RAD51C: variants seen among roughly 807,000 people sequenced by gnomAD.
The protein encoded by RAD51C is DNA repair protein RAD51 homolog 3.
A neutral mutation model predicts 45.0 loss-of-function variants in RAD51C; 42 were observed. The observed-to-expected ratio is 0.93, with a 90% CI of 0.73 to 1.21. RAD51C has a LOEUF of 1.21. Ranked by LOEUF, RAD51C falls within the 50% of genes most tolerant of loss-of-function variation. The pLI, the probability that RAD51C is intolerant of heterozygous loss-of-function variation, is 0.00. For missense variants in RAD51C, 474 were observed against 452.2 expected, an observed-to-expected ratio of 1.05 and a Z score of -0.44; for synonymous variants, 172 against 159.8, an observed-to-expected ratio of 1.08 and a Z score of -0.58.
chr17:58,705,630 C>A (rs1488669156), intron 4 of RAD51C, among the ~76,000 whole-genome samples: 1 of 152,100 alleles, frequency 6.6e-6, no homozygotes, highest in East Asian at 1.9e-4. Flanking sequence ...CCGTGCCTGA[C>A]CCCTAATATT....
chr17:58,723,516 A>G (rs527770951), intron 6 of RAD51C, among the ~76,000 whole-genome samples: 1 of 152,118 alleles, frequency 6.6e-6, no homozygotes, highest in Admixed American at 6.6e-5. Flanking sequence ...TAGCTTTTAT[A>G]GATTTTACTG....
At chr17:58,692,927 G>T in intron 1 of RAD51C, 139 bp downstream of exon 1, 1 of 1,252,188 alleles carries the variant, frequency 8.0e-7, no homozygotes, top group Non-Finnish European at 1.1e-6. Flanking sequence ...GCGTGAAAGA[G>T]CTCCTCGACT....
intron 4 of RAD51C, chr17:58,709,519 T>C (rs1380717820): frequency 5.2e-6 from 1 of 192,830 alleles, no homozygotes; most frequent in Non-Finnish European, 1.1e-5. Flanking sequence ...AATAAAGCCC[T>C]GGGTTTTAAG....
intron 5 of RAD51C, among the ~76,000 whole-genome samples, chr17:58,714,704 G>A (rs968274539): frequency 2.6e-5 from 4 of 151,876 alleles, no homozygotes; most frequent in African/African-American, 7.2e-5. Flanking sequence ...TGATCCACCC[G>A]CCTCAGCCTC....
At chr17:58,709,796 G>A (rs2048490401) in intron 4 of RAD51C, 63 bp from the exon 5 acceptor site, 1 of 1,472,640 alleles carries the variant, frequency 6.8e-7, no homozygotes, top group Non-Finnish European at 9.4e-7. Context: ...GAGAGAGAGA[G>A]CATTTTTATT....
At chr17:58,699,430 G>A (rs1020376836) in intron 3 of RAD51C, among the ~76,000 whole-genome samples, 23 of 151,938 alleles carry the variant, frequency 1.5e-4, no homozygotes, top group African/African-American at 5.6e-4. Context: ...TCCTTTAAAT[G>A]AGTGTAGTCA....
rs986045456 is a variant in RAD51C, at chr17:58,717,807, G to A, written c.838-2939G>A. On this transcript the variant is annotated intron_variant, in intron 5 of 8. Transcript: ENST00000337432. ...CTTAGCTTTTTCTAAGGTGCCCGAT[G>A]AGAGGTAACAAATGGAGAATGCCCT... is the stretch of plus-strand genomic sequence containing the variant. 4.6e-5 allele frequency among the ~76,000 whole-genome samples: 7 copies of A among 152,282 alleles called. No homozygotes were observed. The East Asian group carries it at 1.2e-3, about 25-fold the overall frequency.
In RAD51C at chr17:58,726,860, G is replaced by A. The variant is rs539611655; in HGVS notation, c.965+2760G>A. On this transcript the variant is annotated intron_variant, in intron 7 of 8. Transcript: ENST00000337432. Reference sequence around the variant, plus strand: ...TTTTGAGACGGAGTCTCGCTCTGTCGCCCAGGCTGGAGTGCAGTGGCGCGA... The same window carrying A: ...TTTTGAGACGGAGTCTCGCTCTGTCACCCAGGCTGGAGTGCAGTGGCGCGA... 9.9e-5 allele frequency among the ~76,000 whole-genome samples: 15 copies of A among 151,762 alleles called. No homozygotes were observed. In the East Asian group the frequency reaches 1.4e-3, roughly 14 times the overall value.
intron 6 of RAD51C, among the ~76,000 whole-genome samples, chr17:58,723,769 G>T (rs1279226808): frequency 6.6e-6 from 1 of 151,608 alleles, no homozygotes; most frequent in African/African-American, 2.4e-5. Context: ...AAATACGTTA[G>T]GCTTGATGAT....
chr17:58,717,993 G>A (rs527934358), intron 5 of RAD51C, among the ~76,000 whole-genome samples: 5 of 152,040 alleles, frequency 3.3e-5, no homozygotes, highest in African/African-American at 9.6e-5. Flanking sequence ...TTCTTTCGCA[G>A]TTTTCTTTTT....
Position 58,734,527 on chromosome 17 carries a change from AC to A in RAD51C, c.*309del. ...TGAATTTACCATTCATACTGTTTTC[AC>A]CCCTTTCTTTCCCAGTTGCCTATAA... On this transcript the variant is annotated 3_prime_UTR_variant, in exon 9 of 9. Transcript: ENST00000337432. The A allele has an allele frequency of 5.7e-6, 2 of 351,722 alleles. No homozygotes were observed. The highest frequency in any genetic ancestry group is 4.1e-5 in the South Asian group (1 of 24,310). 21.8% of individuals were successfully genotyped at this position (351,722 alleles called of 1,614,324 possible). A position where few individuals can be genotyped will look rare whatever the true frequency, so the allele number is the denominator to read the frequency against.
intron 5 of RAD51C, among the ~76,000 whole-genome samples, chr17:58,713,371 C>T (rs901311853): frequency 3.3e-5 from 5 of 151,906 alleles, no homozygotes; most frequent in African/African-American, 1.2e-4. Context: ...GACAGGGTCT[C>T]GCTCTGTCAT....
intron 2 of RAD51C, 176 bp downstream of exon 2, chr17:58,695,365 T>C (rs2047967562): frequency 2.2e-6 from 3 of 1,375,176 alleles, no homozygotes; most frequent in Non-Finnish European, 2.8e-6. Context: ...CCCTTCTTGA[T>C]AAATGTATGC....
intron 3 of RAD51C, chr17:58,699,943 AG>A (rs1472320199): frequency 2.0e-5 from 3 of 151,974 alleles, no homozygotes; most frequent in Non-Finnish European, 4.4e-5. Context: ...TTCACCTCCC[AG>A]GTTCAAGCGA....
chr17:58,721,650 T>C (rs536235469), intron 6 of RAD51C, among the ~76,000 whole-genome samples: 5 of 151,904 alleles, frequency 3.3e-5, no homozygotes, highest in Non-Finnish European at 7.4e-5. Context: ...TCCCAGCTAC[T>C]TGGGAGGCTG....
At chr17:58,705,170 A>G (rs2048336970) in intron 4 of RAD51C, among the ~76,000 whole-genome samples, 1 of 151,982 alleles carries the variant, frequency 6.6e-6, no homozygotes, top group African/African-American at 2.4e-5. Flanking sequence ...TACAATAGAA[A>G]TTAATTTTCT....
chr17:58,723,311 C>CT (rs547761551), intron 6 of RAD51C, among the ~76,000 whole-genome samples: 1,792 of 147,010 alleles, frequency 0.012, 16 homozygotes, highest in Non-Finnish European at 0.019. Context: ...ACACTTAATG[C>CT]TTTTTTTTTT....
At chr17:58,725,799 C>G (rs2049098033) in intron 7 of RAD51C, among the ~76,000 whole-genome samples, 1 of 151,992 alleles carries the variant, frequency 6.6e-6, no homozygotes, top group Non-Finnish European at 1.5e-5. Context: ...TCAAGACCAT[C>G]CTGGCCAACA....
intron 5 of RAD51C, among the ~76,000 whole-genome samples, chr17:58,710,204 G>A (rs1238378168): frequency 6.6e-6 from 1 of 151,388 alleles, no homozygotes; most frequent in East Asian, 1.9e-4. Context: ...CTTTGTGGTT[G>A]AGCGCGGTAG....
Sources: gnomAD v4.1 joint callset for allele counts (sites outside exome capture counted in the v4.1 genomes callset) on GRCh38, gnomAD v4.1.1 for gene constraint, MANE v1.5 for transcripts, NCBI Gene and HGNC (gene_info 2026-07-23, HGNC 2026-07-21) for gene names.